The following ZRANB1 variants were observed in gnomAD, a reference collection of about 807,000 sequenced individuals.
ZRANB1 encodes the protein ubiquitin thioesterase ZRANB1.
A neutral mutation model predicts 80.5 loss-of-function variants in ZRANB1; 16 were observed. The observed-to-expected ratio is 0.20, with a 90% CI of 0.13 to 0.30. ZRANB1 has a LOEUF of 0.30. Ranked by LOEUF, ZRANB1 falls within the 10% of genes least tolerant of loss-of-function variation. The probability of loss-of-function intolerance (pLI) is 1.00; values close to 1 mark genes in which losing one functional copy is unlikely to be tolerated. For synonymous variants in ZRANB1, 291 were observed against 293.1 expected (o/e 0.99, Z 0.07); for missense variants, 576 against 862.6 (o/e 0.67, Z 4.16).
chr10:124,943,378 G>A, intron 1 of ZRANB1, 71 bp downstream of exon 1: 3 of 1,443,874 alleles, frequency 2.1e-6, no homozygotes, highest in Non-Finnish European at 2.8e-6. Context: ...AAAAGAGCTG[G>A]GTGCGCTGAC....
intron 1 of ZRANB1, among the ~76,000 whole-genome samples, chr10:124,963,313 TTGTGAGATGTCAGTAACCTAGAAAACA>T (rs1951749367): frequency 6.6e-6 from 1 of 150,850 alleles, no homozygotes; most frequent in Non-Finnish European, 1.5e-5. Flanking sequence ...CTTGGAGGCA[TTGTGAGATGTCAGTAACCTAGAAAACA>T]TGTATATGTT....
At chr10:124,933,984 C>T in the ZRANB1 span, among the ~76,000 whole-genome samples, 3 of 152,190 alleles carry the variant, frequency 2.0e-5, no homozygotes, top group African/African-American at 2.4e-5. Context: ...GATCTTCTTT[C>T]ATTCTAGTCA....
At chr10:124,930,609 A>G in the ZRANB1 span, among the ~76,000 whole-genome samples, 1 of 152,230 alleles carries the variant, frequency 6.6e-6, no homozygotes, top group African/African-American at 2.4e-5. Context: ...ATAAATATCA[A>G]GAGATGAAAG....
At chr10:124,977,571 C>T (rs1332897851) in intron 5 of ZRANB1, among the ~76,000 whole-genome samples, 4 of 151,638 alleles carry the variant, frequency 2.6e-5, no homozygotes, top group African/African-American at 4.8e-5. Flanking sequence ...TTTAGCCAGG[C>T]GTGGTAGTGT....
Position 124,986,418 on chromosome 10 carries a change from C to G in ZRANB1, c.*1426C>G, listed in dbSNP as rs1304251213. On this transcript the variant is annotated 3_prime_UTR_variant, in exon 9 of 9. Coordinates refer to ENST00000359653, the MANE Select transcript of ZRANB1 (RefSeq NM_017580.3). Reference sequence around the variant, plus strand: ...TAGTTGATAATGAAATGTGTACAACCTCAAATTTGCTGCCAGAATACTAAA... The same window carrying G: ...TAGTTGATAATGAAATGTGTACAACGTCAAATTTGCTGCCAGAATACTAAA... 1 of 152,326 alleles carries G rather than the reference C, an allele frequency of 6.6e-6. No homozygotes were observed. Among genetic ancestry groups the G allele is most frequent in the Non-Finnish European group, 1.5e-5 (1 of 68,006 alleles). The allele number at this position is 152,326 out of a possible 1,614,324, so 9.4% of individuals were successfully genotyped here. A position where few individuals can be genotyped will look rare whatever the true frequency, so the allele number is the denominator to read the frequency against.
At chr10:124,925,847 A>G in the ZRANB1 span, among the ~76,000 whole-genome samples, 1 of 152,194 alleles carries the variant, frequency 6.6e-6, no homozygotes, top group Non-Finnish European at 1.5e-5. Context: ...CGTTGCTTAA[A>G]TGTTCTGAGC....
At chr10:124,968,148 C>T (rs907687290) in intron 2 of ZRANB1, among the ~76,000 whole-genome samples, 21 of 152,140 alleles carry the variant, frequency 1.4e-4, no homozygotes, top group Non-Finnish European at 2.1e-4. Context: ...CTGCCCGCCT[C>T]GGCCCCCCAA....
intron 1 of ZRANB1, among the ~76,000 whole-genome samples, chr10:124,949,359 T>C (rs918284501): frequency 1.3e-5 from 2 of 151,414 alleles, no homozygotes; most frequent in African/African-American, 2.4e-5. Context: ...GTTGAAGGTA[T>C]AGGGGGAAAA....
At chr10:124,959,126 G>T (rs925976751) in intron 1 of ZRANB1, among the ~76,000 whole-genome samples, 1 of 152,234 alleles carries the variant, frequency 6.6e-6, no homozygotes, top group Admixed American at 6.5e-5. Flanking sequence ...AGCAAGCCAG[G>T]ATAGCTCAGC....
At chr10:124,939,985 T>TTGC (rs141932878), upstream of ZRANB1, among the ~76,000 whole-genome samples, 2,328 of 152,314 alleles carry the variant, frequency 0.015, 66 homozygotes, top group African/African-American at 0.053. Flanking sequence ...AAAAATGCAG[T>TTGC]TGCTGAAGGT....
chr10:124,980,562 C>T (rs1951922607), intron 5 of ZRANB1, among the ~76,000 whole-genome samples: 1 of 152,154 alleles, frequency 6.6e-6, no homozygotes, highest in African/African-American at 2.4e-5. Context: ...ACACATTTAT[C>T]TTAGCGATTA....
At position 124,963,634 on chromosome 10, in the gene ZRANB1, T is replaced by C. The variant is rs1152664; in HGVS notation, c.815-2960T>C. ...TTCACTTTAAGTAGAAAACATGCGG[T>C]GGCTAAAACTTTAAATTATATGCGT... On this transcript the variant is annotated intron_variant, in intron 1 of 8. Transcript: ENST00000359653. Among the ~76,000 whole-genome samples the C allele has an allele frequency of 4.1e-3, 583 of 141,810 alleles. 5 individuals are homozygous for C. The highest frequency in any genetic ancestry group is 0.015 in the African/African-American group (560 of 38,560). 93.0% of individuals were successfully genotyped at this position (141,810 alleles called of 152,430 possible). A position where few individuals can be genotyped will look rare whatever the true frequency, so the allele number is the denominator to read the frequency against.
the ZRANB1 span, among the ~76,000 whole-genome samples, chr10:124,926,787 C>A: frequency 6.6e-6 from 1 of 152,160 alleles, no homozygotes; most frequent in Non-Finnish European, 1.5e-5. Flanking sequence ...TTTGTTTACA[C>A]CAGCATCACT....
Position 124,942,306 on chromosome 10 carries a change from A to G in ZRANB1, c.-188A>G. 1 of 1,410,190 alleles carries G rather than the reference A, an allele frequency of 7.1e-7. No homozygotes were observed. The allele number at this position is 1,410,190 out of a possible 1,614,324, so 87.4% of individuals were successfully genotyped here. A position where few individuals can be genotyped will look rare whatever the true frequency, so the allele number is the denominator to read the frequency against. On this transcript the variant is annotated 5_prime_UTR_variant, in exon 1 of 9. Transcript: ENST00000359653. The stretch of plus-strand genomic sequence containing the variant: ...ATCTCCAGTGTTTCTATGGAAATTA[A>G]AAAAGAAAATTAGGATAATTCAATG...
chr10:124,938,008 C>G (rs1264475417), upstream of ZRANB1, among the ~76,000 whole-genome samples: 5 of 152,074 alleles, frequency 3.3e-5, no homozygotes, highest in African/African-American at 4.8e-5. Flanking sequence ...AGTTTGAGTC[C>G]TTGGATAGAA....
intron 5 of ZRANB1, among the ~76,000 whole-genome samples, chr10:124,981,088 G>A (rs573415609): frequency 2.0e-4 from 30 of 152,286 alleles, no homozygotes; most frequent in African/African-American, 6.3e-4. Context: ...CCATAATTTT[G>A]AGCATAATTA....
intron 8 of ZRANB1, 123 bp from the exon 9 acceptor site, chr10:124,984,651 A>T: frequency 1.0e-6 from 1 of 962,974 alleles, no homozygotes; most frequent in Non-Finnish European, 1.5e-6. Flanking sequence ...AAACCATGTG[A>T]AAAGTTGATT....
the ZRANB1 span, among the ~76,000 whole-genome samples, chr10:124,921,432 T>C: frequency 2.6e-5 from 4 of 152,210 alleles, no homozygotes; most frequent in African/African-American, 9.6e-5. Flanking sequence ...GGATAACACA[T>C]GTAATTATGT....
chr10:124,975,423 C>A (rs1240081695), intron 5 of ZRANB1, among the ~76,000 whole-genome samples: 1 of 152,220 alleles, frequency 6.6e-6, no homozygotes, highest in Non-Finnish European at 1.5e-5. Flanking sequence ...CCCACATCCC[C>A]ATTCCTACAT....
Sources: allele counts gnomAD v4.1 joint callset (sites outside exome capture counted in the v4.1 genomes callset), GRCh38; gene constraint gnomAD v4.1.1; transcripts MANE v1.5; gene names NCBI Gene and HGNC (gene_info 2026-07-23, HGNC 2026-07-21).